The following AEBP2 variants were observed in gnomAD, a reference collection of about 807,000 sequenced individuals.
The protein encoded by AEBP2 is zinc finger protein AEBP2.
In AEBP2, 10 loss-of-function variants were observed where a neutral mutation model predicts 50.8. The ratio of observed to expected loss-of-function variants is 0.20; its 90% confidence interval spans 0.12 to 0.33. The LOEUF is 0.33. Ranked by LOEUF, AEBP2 falls within the 10% of genes least tolerant of loss-of-function variation. The pLI is 1.00. For synonymous variants in AEBP2, 296 were observed against 261.3 expected (o/e 1.13, Z -1.28); for missense variants, 570 against 688.0 (o/e 0.83, Z 1.92).
chr12:19,470,513 A>T (rs910384433), intron 2 of AEBP2, among the ~76,000 whole-genome samples: 2 of 152,170 alleles, frequency 1.3e-5, no homozygotes, highest in African/African-American at 4.8e-5. Flanking sequence ...GTTAACTTTG[A>T]TCTCTTTACG....
chr12:19,455,413 G>T (rs1293016352), intron 1 of AEBP2, among the ~76,000 whole-genome samples: 2 of 152,146 alleles, frequency 1.3e-5, no homozygotes, highest in Non-Finnish European at 2.9e-5. Context: ...CCATGTTAGT[G>T]AACTTTTCTC....
At chr12:19,459,479 C>T (rs572473477) in intron 1 of AEBP2, among the ~76,000 whole-genome samples, 6 of 152,294 alleles carry the variant, frequency 3.9e-5, no homozygotes, top group Admixed American at 3.9e-4. Flanking sequence ...GATCCGCCCG[C>T]CTCAGCCTCC....
intron 2 of AEBP2, among the ~76,000 whole-genome samples, chr12:19,470,055 C>G (rs1051660926): frequency 6.6e-6 from 1 of 152,084 alleles, no homozygotes; most frequent in African/African-American, 2.4e-5. Context: ...GAAGAAGACC[C>G]TTTTGTCAGA....
Position 19,423,064 on chromosome 12 carries a change from CAAAAAAAAAAAAAAAA to C in AEBP2, c.-17+18863_-17+18878del, listed in dbSNP as rs751550689. On this transcript the variant is annotated intron_variant, in intron 1 of 3. Transcript: ENST00000538425. ...TGGGTGACAGAGTGAGACTCTGTCT[CAAAAAAAAAAAAAAAA>C]AAAAAAAAAAAAAAGAACATCTGAC... Among the ~76,000 whole-genome samples the C allele has an allele frequency of 1.1e-4, 4 of 35,036 alleles. No homozygotes were observed. In the Admixed American group the frequency reaches 2.0e-3, roughly 17 times the overall value. The allele number at this position is 35,036 out of a possible 152,430, so 23.0% of individuals were successfully genotyped here.
intron 1 of AEBP2, among the ~76,000 whole-genome samples, chr12:19,429,577 G>A (rs560965991): frequency 6.6e-6 from 1 of 152,170 alleles, no homozygotes; most frequent in East Asian, 1.9e-4. Flanking sequence ...TGGTTGAACT[G>A]ATTTACAGTC....
rs528578412 is a variant in AEBP2 at position 19,496,230 on chromosome 12, C to G, written c.1174+2244C>G. On this transcript the variant is annotated intron_variant, in intron 4 of 7. Coordinates refer to ENST00000266508, the MANE Select transcript of AEBP2 (RefSeq NM_153207.5). ...TTGCTTAGAAACAAAGTACTGGTGCCGGCTTAAGTATATGTTTCTTTTGAC... is the reference window on the plus strand; with the variant it reads ...TTGCTTAGAAACAAAGTACTGGTGCGGGCTTAAGTATATGTTTCTTTTGAC... Among the ~76,000 whole-genome samples the G allele has an allele frequency of 9.2e-5, 14 of 152,216 alleles. No homozygotes were observed. The South Asian group carries it at 1.5e-3, about 16-fold the overall frequency.
intron 1 of AEBP2, among the ~76,000 whole-genome samples, chr12:19,421,641 G>A (rs1382823163): frequency 6.6e-6 from 1 of 152,092 alleles, no homozygotes; most frequent in Non-Finnish European, 1.5e-5. Context: ...AAACAAAAAG[G>A]AAACATTCAA....
At chr12:19,480,137 C>G (rs542038398) in intron 3 of AEBP2, among the ~76,000 whole-genome samples, 15 of 152,158 alleles carry the variant, frequency 9.9e-5, no homozygotes, top group African/African-American at 3.1e-4. Context: ...GAGTCTCACT[C>G]TGTTGCCCAG....
At chr12:19,483,340 T>C (rs888541804) in intron 3 of AEBP2, among the ~76,000 whole-genome samples, 2 of 152,150 alleles carry the variant, frequency 1.3e-5, no homozygotes, top group African/African-American at 4.8e-5. Context: ...ATCCGTCTCG[T>C]CTCCCATGAT....
At chr12:19,439,330 G>A (rs1055778113), upstream of AEBP2, among the ~76,000 whole-genome samples, 1 of 150,296 alleles carries the variant, frequency 6.7e-6, no homozygotes, top group Non-Finnish European at 1.5e-5. Context: ...TCGAAGCCCG[G>A]CAGGGCGTGG....
intron 1 of AEBP2, among the ~76,000 whole-genome samples, chr12:19,427,007 T>G (rs2095748871): frequency 6.6e-6 from 1 of 152,166 alleles, no homozygotes; most frequent in Non-Finnish European, 1.5e-5. Flanking sequence ...CACTCATAAA[T>G]GTGGGCAAGC....
upstream of AEBP2, among the ~76,000 whole-genome samples, chr12:19,436,487 ATTCT>A (rs980244347): frequency 1.3e-5 from 2 of 151,776 alleles, no homozygotes; most frequent in Non-Finnish European, 2.9e-5. Context: ...CTTACCCCAA[ATTCT>A]TTCTTGTGTG....
intron 1 of AEBP2, among the ~76,000 whole-genome samples, chr12:19,431,060 A>G (rs1391264357): frequency 6.6e-6 from 1 of 151,998 alleles, no homozygotes; most frequent in African/African-American, 2.4e-5. Flanking sequence ...AAGGTAGTTT[A>G]CCAAGATGTA....
At chr12:19,473,405 A>T (rs1446946506) in intron 3 of AEBP2, 50 bp downstream of exon 3, 1 of 696,250 alleles carries the variant, frequency 1.4e-6, no homozygotes, top group South Asian at 5.3e-5. Context: ...TTATTTATTT[A>T]TTTATTTATT....
In AEBP2 at chr12:19,462,687, T is replaced by C; in HGVS notation, c.849T>C (p.Arg283=). 6.2e-7 allele frequency: 1 copy of C among 1,613,620 alleles called. No individual in the cohort carries two copies. Among genetic ancestry groups the C allele is most frequent in the Non-Finnish European group, 8.5e-7 (1 of 1,179,592 alleles). ...GCCCAGATCTGGCAGATCACATCCGTTCCATACATGTAGATGGTCAGCGAG... is the reference window on the plus strand; with the variant it reads ...GCCCAGATCTGGCAGATCACATCCGCTCCATACATGTAGATGGTCAGCGAG... ...NSSPDLADHI[R]SIHVDGQRGG... Residue 283 remains arginine, a synonymous_variant, in exon 2 of 8, where the codon CGT becomes CGC. Coordinates refer to ENST00000266508, the MANE Select transcript of AEBP2 (RefSeq NM_153207.5).
chr12:19,498,801 A>AT (rs1949023599), intron 4 of AEBP2, among the ~76,000 whole-genome samples: 1 of 152,108 alleles, frequency 6.6e-6, no homozygotes, highest in African/African-American at 2.4e-5. Context: ...TCAGTGTATA[A>AT]TTTTTTTGAT....
intron 7 of AEBP2, among the ~76,000 whole-genome samples, chr12:19,517,569 C>T (rs1303877373): frequency 6.6e-6 from 1 of 152,186 alleles, no homozygotes; most frequent in East Asian, 1.9e-4. Context: ...TTTGCAAATA[C>T]TGCTGTTTCC....
At chr12:19,442,471 C>A (rs987090071) in intron 1 of AEBP2, among the ~76,000 whole-genome samples, 1 of 152,202 alleles carries the variant, frequency 6.6e-6, no homozygotes, top group Admixed American at 6.5e-5. Context: ...TACTACATCA[C>A]TTCAGGAGAC....
intron 1 of AEBP2, chr12:19,456,392 G>C: frequency 7.3e-7 from 1 of 1,373,024 alleles, no homozygotes; most frequent in Non-Finnish European, 1.0e-6. Context: ...AGTCTGAGAA[G>C]CACTCAACAC....
Sources: gnomAD v4.1 joint callset for allele counts (sites outside exome capture counted in the v4.1 genomes callset) on GRCh38, gnomAD v4.1.1 for gene constraint, MANE v1.5 for transcripts, NCBI Gene and HGNC (gene_info 2026-07-23, HGNC 2026-07-21) for gene names.